Variants in LRMDA observed in about 807,000 individuals in gnomAD.
LRMDA encodes the protein leucine rich melanocyte differentiation associated.
In LRMDA, 18 loss-of-function variants were observed where a neutral mutation model predicts 29.8. The ratio of observed to expected loss-of-function variants is 0.60; its 90% CI spans 0.42 to 0.90. The LOEUF is 0.90. Ranked by LOEUF, LRMDA falls within the 40% of genes least tolerant of loss-of-function variation. The pLI, the probability that LRMDA is intolerant of heterozygous loss-of-function variation, is 0.00. For synonymous variants in LRMDA, 125 were observed against 109.4 expected, an observed-to-expected ratio of 1.14 and a Z score of -0.89; for missense variants, 273 against 273.9, an observed-to-expected ratio of 1.00 and a Z score of 0.02.
chr10:75,865,795 C>T (rs768634636), intron 2 of LRMDA, among the ~76,000 whole-genome samples: 26 of 152,112 alleles, frequency 1.7e-4, no homozygotes, highest in Admixed American at 1.5e-3. Flanking sequence ...TACAAATTCA[C>T]TTTTTCTAAT....
At chr10:75,680,446 G>C (rs578059615) in intron 2 of LRMDA, among the ~76,000 whole-genome samples, 1 of 152,152 alleles carries the variant, frequency 6.6e-6, no homozygotes, top group African/African-American at 2.4e-5. Context: ...TTATATGGAA[G>C]TTTCTTGAGG....
At chr10:76,323,540 A>C (rs1840797374) in intron 5 of LRMDA, among the ~76,000 whole-genome samples, 3 of 151,914 alleles carry the variant, frequency 2.0e-5, no homozygotes, top group Admixed American at 6.6e-5. Context: ...CTCAGTTAAG[A>C]GTTACAGCGG....
At chr10:76,286,018 A>AC (rs1840266791) in intron 5 of LRMDA, among the ~76,000 whole-genome samples, 1 of 152,162 alleles carries the variant, frequency 6.6e-6, no homozygotes, top group Non-Finnish European at 1.5e-5. Context: ...TTCATCCCAG[A>AC]CAAAGTCTGT....
chr10:76,343,693 T>G (rs1407776428), intron 6 of LRMDA, among the ~76,000 whole-genome samples: 3 of 152,130 alleles, frequency 2.0e-5, no homozygotes, highest in Non-Finnish European at 1.5e-5. Context: ...AAACAAGATA[T>G]CTGTTACTAC....
In LRMDA at chr10:76,369,700, T is replaced by C. The variant is rs562027288; in HGVS notation, c.601+45215T>C. 2.2e-4 allele frequency among the ~76,000 whole-genome samples: 34 copies of C among 152,234 alleles called. 2 individuals carry two copies. Among genetic ancestry groups the C allele is most frequent in the African/African-American group, 7.9e-4 (33 of 41,556 alleles). On this transcript the variant is annotated intron_variant, in intron 6 of 6. Coordinates refer to ENST00000611255, the MANE Select transcript of LRMDA (RefSeq NM_001305581.2). The stretch of plus-strand genomic sequence containing the variant: ...AGTTTGCTTTGATTATTCCCCTAAA[T>C]CTGTTTTCCAGGGAAAACCTGGACA...
intron 2 of LRMDA, among the ~76,000 whole-genome samples, chr10:76,031,816 T>C (rs1848155256): frequency 6.6e-6 from 1 of 152,170 alleles, no homozygotes; most frequent in Non-Finnish European, 1.5e-5. Flanking sequence ...TTTGAGAACA[T>C]CCCAGCCTTT....
chr10:75,792,568 A>AT (rs1843587373), intron 2 of LRMDA, among the ~76,000 whole-genome samples: 3 of 151,932 alleles, frequency 2.0e-5, no homozygotes, highest in Non-Finnish European at 2.9e-5. Flanking sequence ...TGGCTGGTGT[A>AT]TTTTTTTAAC....
intron 6 of LRMDA, among the ~76,000 whole-genome samples, chr10:76,541,124 T>C (rs1406793723): frequency 2.0e-5 from 3 of 152,194 alleles, no homozygotes; most frequent in Non-Finnish European, 2.9e-5. Context: ...TTGGCTCCTA[T>C]GTATATCCAG....
intron 6 of LRMDA, among the ~76,000 whole-genome samples, chr10:76,526,579 G>T (rs912498215): frequency 2.6e-5 from 4 of 152,078 alleles, no homozygotes; most frequent in African/African-American, 9.7e-5. Flanking sequence ...GTAGAGGAAG[G>T]CAGGATAAAA....
chr10:76,210,070 G>A (rs1455007111), intron 5 of LRMDA, among the ~76,000 whole-genome samples: 4 of 152,124 alleles, frequency 2.6e-5, no homozygotes, highest in African/African-American at 4.8e-5. Context: ...CATCCGCACC[G>A]GGAATGAGAC....
At chr10:76,400,154 G>T (rs181983381) in intron 6 of LRMDA, among the ~76,000 whole-genome samples, 14 of 152,324 alleles carry the variant, frequency 9.2e-5, no homozygotes, top group Admixed American at 2.0e-4. Flanking sequence ...TGTTGGAGAG[G>T]CCCACACGGC....
In LRMDA at chr10:76,535,355, G is replaced by T. The variant is rs113928247; in HGVS notation, c.602-21854G>T. On this transcript the variant is annotated intron_variant, in intron 6 of 6. Coordinates refer to ENST00000611255, the MANE Select transcript of LRMDA (RefSeq NM_001305581.2). ...GGATGAAGGCATTGAGGTGGGGAGG[G>T]ACAAATAATTTCCCATTCTTAACTA... Among the ~76,000 whole-genome samples the T allele has an allele frequency of 1.0e-3, 154 of 152,206 alleles. 1 individual carries two copies. The highest frequency in any genetic ancestry group is 2.0e-3 in the Non-Finnish European group (133 of 67,996).
intron 2 of LRMDA, among the ~76,000 whole-genome samples, chr10:75,594,180 C>A (rs998945580): frequency 6.6e-6 from 1 of 152,200 alleles, no homozygotes; most frequent in African/African-American, 2.4e-5. Context: ...TAAGGAAGAG[C>A]ACACTGAGAG....
At chr10:76,495,852 A>G (rs143407032) in intron 6 of LRMDA, among the ~76,000 whole-genome samples, 385 of 21,484 alleles carry the variant, frequency 0.018, 107 homozygotes, top group African/African-American at 0.028. Flanking sequence ...TGTTTGTATT[A>G]ATCTTGTGTC....
At chr10:75,850,228 A>ATAAAAAGAT (rs1664491012) in intron 2 of LRMDA, among the ~76,000 whole-genome samples, 1 of 152,248 alleles carries the variant, frequency 6.6e-6, no homozygotes, top group African/African-American at 2.4e-5. Context: ...TCAATTGGGA[A>ATAAAAAGAT]TAAAAAGATT....
intron 2 of LRMDA, among the ~76,000 whole-genome samples, chr10:75,895,969 C>A (rs773617964): frequency 1.1e-4 from 16 of 152,068 alleles, no homozygotes; most frequent in Non-Finnish European, 1.5e-4. Context: ...TGACCTAGGG[C>A]AGTTTGCATA....
chr10:76,206,843 C>A (rs74150541), intron 5 of LRMDA, among the ~76,000 whole-genome samples: 71 of 152,324 alleles, frequency 4.7e-4, no homozygotes, highest in African/African-American at 1.7e-3. Flanking sequence ...AAATTCCACC[C>A]CTCCCAAATC....
chr10:76,212,465 G>A (rs1851654037), intron 5 of LRMDA, among the ~76,000 whole-genome samples: 1 of 151,676 alleles, frequency 6.6e-6, no homozygotes, highest in African/African-American at 2.4e-5. Flanking sequence ...TTTTTTGGAA[G>A]GAAGTGTCTG....
At chr10:75,670,978 A>T (rs1463150688) in intron 2 of LRMDA, among the ~76,000 whole-genome samples, 1 of 151,984 alleles carries the variant, frequency 6.6e-6, no homozygotes, top group Non-Finnish European at 1.5e-5. Flanking sequence ...CTAGAATTTG[A>T]TTCAAAATAC....
Sources: allele counts gnomAD v4.1 joint callset (sites outside exome capture counted in the v4.1 genomes callset), GRCh38; gene constraint gnomAD v4.1.1; transcripts MANE v1.5; gene names NCBI Gene and HGNC (gene_info 2026-07-23, HGNC 2026-07-21).